Variants in NETO1 observed in about 807,000 individuals in gnomAD.
The protein encoded by NETO1 is neuropilin and tolloid like 1, also known as neuropilin and tolloid-like protein 1.
NETO1 carries 26 observed loss-of-function variants against 61.3 expected under a neutral mutation model. The ratio of observed to expected loss-of-function variants is 0.42; its 90% CI spans 0.31 to 0.59. NETO1 has a LOEUF of 0.59. Among genes scored for constraint, NETO1 ranks in the 20% least tolerant of loss-of-function variants. The pLI is 0.12. For missense variants in NETO1, 531 were observed against 662.8 expected (o/e 0.80, Z 2.18); for synonymous variants, 225 against 225.8 (o/e 1.00, Z 0.03).
chr18:72,845,137 T>C (rs747443014), intron 4 of NETO1, among the ~76,000 whole-genome samples: 147 of 152,248 alleles, frequency 9.7e-4, no homozygotes, highest in Admixed American at 5.4e-3. Context: ...TAATAACCTG[T>C]TGTTGAATGA....
chr18:72,798,151 A>G (rs2072382168), intron 4 of NETO1, among the ~76,000 whole-genome samples: 1 of 152,260 alleles, frequency 6.6e-6, no homozygotes, highest in African/African-American at 2.4e-5. Flanking sequence ...CAGAGGCAGG[A>G]CAGCAAAGGA....
intron 4 of NETO1, among the ~76,000 whole-genome samples, chr18:72,846,534 A>T (rs921637052): frequency 1.4e-5 from 2 of 146,904 alleles, no homozygotes; most frequent in African/African-American, 5.0e-5. Context: ...AAAAAAAAAA[A>T]GAAGATGCAT....
At chr18:72,827,848 A>C (rs553977337) in intron 4 of NETO1, among the ~76,000 whole-genome samples, 4 of 152,294 alleles carry the variant, frequency 2.6e-5, no homozygotes, top group Non-Finnish European at 5.9e-5. Context: ...AGAATTTTGC[A>C]CTTTGGAAAA....
chr18:72,827,022 G>A (rs2073396157), intron 4 of NETO1, among the ~76,000 whole-genome samples: 1 of 151,384 alleles, frequency 6.6e-6, no homozygotes, highest in African/African-American at 2.4e-5. Context: ...AAACTACAGT[G>A]AGAAATCGGG....
rs142577720 is a variant in NETO1 at position 72,850,226 on chromosome 18, C to T, written c.469+8600G>A. On this transcript the variant is annotated intron_variant, in intron 4 of 10. Transcript: ENST00000327305. Reference sequence around the variant, plus strand: ...TCACTGTATGAAAGCTAGGGTCTTGCAGATACTATATTTCTACAGTGTTAG... The same window carrying T: ...TCACTGTATGAAAGCTAGGGTCTTGTAGATACTATATTTCTACAGTGTTAG... Among the ~76,000 whole-genome samples the T allele has an allele frequency of 5.6e-3, 848 of 152,240 alleles. 5 individuals are homozygous for T. Among genetic ancestry groups the T allele is most frequent in the Non-Finnish European group, 8.3e-3 (567 of 68,016 alleles).
At chr18:72,820,617 C>T (rs1239733683) in intron 4 of NETO1, among the ~76,000 whole-genome samples, 1 of 152,214 alleles carries the variant, frequency 6.6e-6, no homozygotes, top group Non-Finnish European at 1.5e-5. Flanking sequence ...CCAAACGTTA[C>T]TCTGGATGCG....
intron 7 of NETO1, among the ~76,000 whole-genome samples, chr18:72,769,619 T>C (rs923693412): frequency 6.6e-6 from 1 of 152,168 alleles, no homozygotes; most frequent in Non-Finnish European, 1.5e-5. Flanking sequence ...AAAAATATCG[T>C]CACCCAAATA....
intron 3 of NETO1, among the ~76,000 whole-genome samples, chr18:72,860,729 GT>G (rs34189999): frequency 0.33 from 47,238 of 143,974 alleles, 8,623 homozygotes; most frequent in Admixed American, 0.42. Context: ...CAATGACGTG[GT>G]TTTTTTTTTT....
At chr18:72,835,783 T>A (rs2073725715) in intron 4 of NETO1, among the ~76,000 whole-genome samples, 1 of 152,180 alleles carries the variant, frequency 6.6e-6, no homozygotes, top group African/African-American at 2.4e-5. Context: ...AGAAGAAAAT[T>A]ATATTTCATG....
chr18:72,860,889 A>G (rs2074551588), intron 3 of NETO1, among the ~76,000 whole-genome samples: 1 of 152,238 alleles, frequency 6.6e-6, no homozygotes, highest in Non-Finnish European at 1.5e-5. Flanking sequence ...TGCATACATT[A>G]TCATCCTATA....
intron 3 of NETO1, among the ~76,000 whole-genome samples, chr18:72,863,382 G>A (rs562979693): frequency 9.9e-5 from 15 of 152,212 alleles, no homozygotes; most frequent in South Asian, 2.1e-4. Flanking sequence ...TGGCTTCCCC[G>A]TCGCAACTAC....
chr18:72,807,689 G>T (rs567427326), intron 4 of NETO1, among the ~76,000 whole-genome samples: 4 of 149,252 alleles, frequency 2.7e-5, no homozygotes, highest in African/African-American at 5.0e-5. Context: ...ATCAAAAATG[G>T]GCAGAAACAG....
At chr18:72,811,836 A>C (rs1048383338) in intron 4 of NETO1, among the ~76,000 whole-genome samples, 3 of 152,162 alleles carry the variant, frequency 2.0e-5, no homozygotes, top group Non-Finnish European at 4.4e-5. Flanking sequence ...CTCATTAATG[A>C]ATCCATGGAT....
At chr18:72,750,007 G>A in intron 9 of NETO1, 55 bp downstream of exon 9, 1 of 1,250,180 alleles carries the variant, frequency 8.0e-7, no homozygotes, top group South Asian at 1.5e-5. Flanking sequence ...CAATACTCTG[G>A]AAGTATTTCA....
intron 4 of NETO1, among the ~76,000 whole-genome samples, chr18:72,833,073 C>T (rs888454200): frequency 1.3e-5 from 2 of 152,142 alleles, no homozygotes; most frequent in Non-Finnish European, 2.9e-5. Flanking sequence ...CCACACAGCT[C>T]TAACCTATTA....
chr18:72,843,595 G>A (rs1015040661), intron 4 of NETO1, among the ~76,000 whole-genome samples: 1 of 152,048 alleles, frequency 6.6e-6, no homozygotes, highest in Non-Finnish European at 1.5e-5. Flanking sequence ...TAGCTCATGT[G>A]TACCCTTGTG....
chr18:72,805,730 A>T (rs2072654283), intron 4 of NETO1, among the ~76,000 whole-genome samples: 1 of 152,158 alleles, frequency 6.6e-6, no homozygotes, highest in African/African-American at 2.4e-5. Flanking sequence ...TAAGAATGTC[A>T]TCTGGTCTAC....
intron 7 of NETO1, among the ~76,000 whole-genome samples, chr18:72,760,417 C>G (rs1464913489): frequency 6.6e-6 from 1 of 152,188 alleles, no homozygotes; most frequent in African/African-American, 2.4e-5. Flanking sequence ...CCACACACAT[C>G]AGCCTGGGAT....
At chr18:72,789,249 CAT>C (rs1491143320) in intron 6 of NETO1, among the ~76,000 whole-genome samples, 182 of 98,916 alleles carry the variant, frequency 1.8e-3, no homozygotes, top group Middle Eastern at 5.6e-3. Context: ...CACACACACA[CAT>C]GTGCACAGCA....
Sources: allele counts gnomAD v4.1 joint callset (sites outside exome capture counted in the v4.1 genomes callset), GRCh38; gene constraint gnomAD v4.1.1; transcripts MANE v1.5; gene names NCBI Gene and HGNC (gene_info 2026-07-23, HGNC 2026-07-21).